Variants in KCNH5 observed in about 807,000 individuals in gnomAD.
KCNH5 encodes potassium voltage-gated channel subfamily H member 5, also known as voltage-gated delayed rectifier potassium channel KCNH5.
A neutral mutation model predicts 96.1 loss-of-function variants in KCNH5; 46 were observed. That is an observed-to-expected ratio of 0.48 (90% confidence interval 0.38 to 0.61). The LOEUF (loss-of-function observed/expected upper bound fraction) is 0.61, where lower values mean the gene tolerates loss of function less well. Among genes scored for constraint, KCNH5 ranks in the 20% least tolerant of loss-of-function variants. The pLI is 0.00. For synonymous variants in KCNH5, 439 were observed against 449.8 expected (o/e 0.98, Z 0.30); for missense variants, 907 against 1,225.8 (o/e 0.74, Z 3.88).
At chr14:62,918,660 A>G (rs1889322119) in intron 7 of KCNH5, among the ~76,000 whole-genome samples, 1 of 152,114 alleles carries the variant, frequency 6.6e-6, no homozygotes, top group Admixed American at 6.6e-5. Flanking sequence ...ATCCAAAATA[A>G]AAACCATACA....
chr14:62,755,949 G>T (rs1885614245), intron 10 of KCNH5, among the ~76,000 whole-genome samples: 1 of 151,576 alleles, frequency 6.6e-6, no homozygotes, highest in African/African-American at 2.4e-5. Flanking sequence ...GGCATAGAAG[G>T]AATACATGTC....
At chr14:62,872,978 G>A (rs960154711) in intron 7 of KCNH5, among the ~76,000 whole-genome samples, 5 of 151,952 alleles carry the variant, frequency 3.3e-5, no homozygotes, top group Non-Finnish European at 5.9e-5. Context: ...GTGAAACTCC[G>A]TTTCTACTGG....
chr14:62,790,852 A>G (rs1347330004), intron 9 of KCNH5, among the ~76,000 whole-genome samples: 1 of 151,784 alleles, frequency 6.6e-6, no homozygotes, highest in African/African-American at 2.4e-5. Flanking sequence ...AAATTTATTT[A>G]TTAGTTCTAA....
In KCNH5 at chr14:62,992,263, T is replaced by C. The variant is rs79455069; in HGVS notation, c.434-5076A>G. On this transcript the variant is annotated intron_variant, in intron 4 of 10. Coordinates refer to ENST00000322893, the MANE Select transcript of KCNH5 (RefSeq NM_139318.5). ...AATTAGATTGATTCTATCTTTGCAA[T>C]TGTGAATAGTGCTGCAATAAACATA... Among the ~76,000 whole-genome samples, 31 of 152,216 alleles carry C rather than the reference T, an allele frequency of 2.0e-4. 1 individual carries two copies. In the East Asian group the frequency reaches 6.0e-3, roughly 29 times the overall value.
intron 2 of KCNH5, among the ~76,000 whole-genome samples, chr14:63,014,802 T>C (rs944353531): frequency 6.6e-6 from 1 of 152,060 alleles, no homozygotes; most frequent in African/African-American, 2.4e-5. Flanking sequence ...TTCAGGTAGA[T>C]GAGATCTGAG....
chr14:63,019,586 G>A (rs1891388360), intron 1 of KCNH5, among the ~76,000 whole-genome samples: 1 of 151,872 alleles, frequency 6.6e-6, no homozygotes, highest in Non-Finnish European at 1.5e-5. Context: ...AACTGAATAG[G>A]TAAAGTCTTT....
At chr14:62,940,380 C>G (rs1322395460) in intron 7 of KCNH5, among the ~76,000 whole-genome samples, 1 of 152,044 alleles carries the variant, frequency 6.6e-6, no homozygotes, top group Non-Finnish European at 1.5e-5. Flanking sequence ...ATATATTTAC[C>G]ACCTCAATTT....
In KCNH5 at chr14:62,707,668, G is replaced by A; in HGVS notation, c.2807C>T (p.Ala936Val). 1 of 1,589,366 alleles carries A rather than the reference G, an allele frequency of 6.3e-7. No individual in the cohort carries two copies. Among genetic ancestry groups the A allele is most frequent in the East Asian group, 2.3e-5 (1 of 44,280 alleles). The part of the protein sequence containing the change: ...CRMTALEKQV[A>V]EILKILSEKS... Reference sequence around the variant, plus strand: ...TTCCGACAGTATTTTTAAAATTTCTGCCACCTGCTTTTCTAGGGCAGTCAT... The same window carrying A: ...TTCCGACAGTATTTTTAAAATTTCTACCACCTGCTTTTCTAGGGCAGTCAT... Residue 936 changes from alanine (A) to valine (V), a missense_variant, in exon 11 of 11, where the codon GCA becomes GTA. Transcript: ENST00000322893.
intron 7 of KCNH5, among the ~76,000 whole-genome samples, chr14:62,853,462 T>TATATATATATATATATATATATATATATC (rs1325630757): frequency 7.4e-5 from 9 of 121,172 alleles, no homozygotes; most frequent in African/African-American, 1.6e-4. Flanking sequence ...TAATCATATA[T>TATATATATATATATATATATATATATATC]ATATATATAT....
intron 10 of KCNH5, among the ~76,000 whole-genome samples, chr14:62,774,440 C>A (rs927634788): frequency 6.6e-6 from 1 of 152,172 alleles, no homozygotes; most frequent in Non-Finnish European, 1.5e-5. Context: ...AATAGTCATA[C>A]CTGCCAGGTT....
At chr14:62,960,962 C>A (rs965026930) in intron 6 of KCNH5, among the ~76,000 whole-genome samples, 2 of 152,132 alleles carry the variant, frequency 1.3e-5, no homozygotes, top group African/African-American at 2.4e-5. Context: ...TCAGCAATAT[C>A]CATAATGTAG....
intron 7 of KCNH5, among the ~76,000 whole-genome samples, chr14:62,903,680 T>C (rs900461737): frequency 6.6e-6 from 1 of 151,650 alleles, no homozygotes; most frequent in African/African-American, 2.4e-5. Context: ...AAACAAACGT[T>C]AAAAAAAACC....
At chr14:62,763,979 T>C (rs1271503188) in intron 10 of KCNH5, among the ~76,000 whole-genome samples, 1 of 152,052 alleles carries the variant, frequency 6.6e-6, no homozygotes, top group African/African-American at 2.4e-5. Flanking sequence ...GTACCAATAC[T>C]ATTCCAAAAA....
At chr14:62,854,018 A>C (rs1197794159) in intron 7 of KCNH5, among the ~76,000 whole-genome samples, 12 of 138,994 alleles carry the variant, frequency 8.6e-5, no homozygotes, top group African/African-American at 2.9e-4. Flanking sequence ...AAAAAAAAAA[A>C]CAAAAAAAAC....
intron 7 of KCNH5, among the ~76,000 whole-genome samples, chr14:62,942,052 A>G (rs1889799739): frequency 6.6e-6 from 1 of 152,170 alleles, no homozygotes; most frequent in African/African-American, 2.4e-5. Flanking sequence ...TTTTCCTCTT[A>G]ACCTTTACAG....
intron 7 of KCNH5, among the ~76,000 whole-genome samples, chr14:62,881,761 G>T (rs191847744): frequency 6.8e-6 from 1 of 147,038 alleles, no homozygotes; most frequent in African/African-American, 2.4e-5. Context: ...AGACCCAGAC[G>T]AAAAAGAATA....
chr14:63,032,261 C>T (rs1404890329), intron 1 of KCNH5, among the ~76,000 whole-genome samples: 3 of 152,066 alleles, frequency 2.0e-5, no homozygotes, highest in Non-Finnish European at 4.4e-5. Context: ...TCAAAGCCCT[C>T]AAACCCCGGA....
At chr14:62,945,443 C>T (rs562538941) in intron 7 of KCNH5, among the ~76,000 whole-genome samples, 27 of 152,240 alleles carry the variant, frequency 1.8e-4, no homozygotes, top group African/African-American at 5.3e-4. Flanking sequence ...ATCTTCATCA[C>T]GACCATCAGG....
At chr14:62,715,720 A>T (rs908835704) in intron 10 of KCNH5, among the ~76,000 whole-genome samples, 1 of 152,134 alleles carries the variant, frequency 6.6e-6, no homozygotes, top group Non-Finnish European at 1.5e-5. Context: ...GATCTAGTCC[A>T]GTCTCTTAGG....
Sources: gnomAD v4.1 joint callset for allele counts (sites outside exome capture counted in the v4.1 genomes callset) on GRCh38, gnomAD v4.1.1 for gene constraint, MANE v1.5 for transcripts, NCBI Gene and HGNC (gene_info 2026-07-23, HGNC 2026-07-21) for gene names.